TEKT4: variants seen among roughly 807,000 people sequenced by gnomAD.
The protein encoded by TEKT4 is tektin-4.
A neutral mutation model predicts 46.0 loss-of-function variants in TEKT4; 46 were observed. That is an observed-to-expected ratio of 1.00 (90% CI 0.79 to 1.28). The LOEUF (loss-of-function observed/expected upper bound fraction) is 1.28, where lower values mean the gene tolerates loss of function less well. Among genes scored for constraint, TEKT4 ranks in the 50% most tolerant of loss-of-function variants. The pLI is 0.00. For synonymous variants in TEKT4, 325 were observed against 265.8 expected, an observed-to-expected ratio of 1.22 and a Z score of -2.17; for missense variants, 790 against 622.9, an observed-to-expected ratio of 1.27 and a Z score of -2.85.
intron 5 of TEKT4, among the ~76,000 whole-genome samples, chr2:94,876,152 G>C (rs1486744547): frequency 1.3e-5 from 2 of 152,230 alleles, no homozygotes; most frequent in Non-Finnish European, 2.9e-5. Flanking sequence ...TACAGGCATA[G>C]ATGTGCCGTC....
intron 1 of TEKT4, chr2:94,873,216 G>C: frequency 7.8e-7 from 1 of 1,276,394 alleles, no homozygotes; most frequent in Non-Finnish European, 1.0e-6. Context: ...AACGTTCCCA[G>C]GTGCACTGAG....
At chr2:94,872,308 T>G in intron 1 of TEKT4, 1 of 598,024 alleles carries the variant, frequency 1.7e-6, no homozygotes, top group Non-Finnish European at 2.9e-6. Context: ...TCTAATCCCT[T>G]TGAGTCCTGG....
chr2:94,876,086 G>A (rs1227638540), intron 5 of TEKT4, among the ~76,000 whole-genome samples: 1 of 152,192 alleles, frequency 6.6e-6, no homozygotes, highest in Non-Finnish European at 1.5e-5. Context: ...GCCATTCCCT[G>A]CTGCCCTGAG....
At chr2:94,873,832 C>G in intron 2 of TEKT4, 133 bp from the exon 3 acceptor site, 1 of 1,337,986 alleles carries the variant, frequency 7.5e-7, no homozygotes, top group Non-Finnish European at 1.0e-6. Flanking sequence ...CTGCTGAGCA[C>G]GAGGGCTGCC....
intron 3 of TEKT4, 97 bp from the exon 4 acceptor site, chr2:94,874,679 G>A (rs371414644): frequency 3.5e-6 from 4 of 1,137,502 alleles, no homozygotes; most frequent in Admixed American, 2.6e-5. Flanking sequence ...ACGTCCTCCA[G>A]GAGCATGGGG....
intron 1 of TEKT4, chr2:94,872,446 G>A: frequency 2.7e-6 from 1 of 369,334 alleles, no homozygotes; most frequent in Non-Finnish European, 5.0e-6. Context: ...GGTGTGGACA[G>A]GTAAGGTGGG....
At chr2:94,874,218 C>G (rs781839992) in intron 3 of TEKT4, 110 bp downstream of exon 3, 25 of 1,243,570 alleles carry the variant, frequency 2.0e-5, no homozygotes, top group Non-Finnish European at 2.7e-5. Context: ...GCCCTCGCCC[C>G]CGAGGGCACT....
Position 94,871,464 on chromosome 2 carries a change from G to C in TEKT4, c.-116G>C, listed in dbSNP as rs78807233. The C allele has an allele frequency of 1.5e-6, 2 of 1,322,360 alleles. No individual in the cohort carries two copies. The highest frequency in any genetic ancestry group is 2.0e-6 in the Non-Finnish European group (2 of 995,152). 81.9% of individuals were successfully genotyped at this position (1,322,360 alleles called of 1,614,324 possible). ...AGTGTCACCCAAGCGACTGGGAGCC[G>C]CGTCCTGCTCTGGGACTGAGCCGTT... On this transcript the variant is annotated 5_prime_UTR_variant, in exon 1 of 6. Transcript: ENST00000295201.
rs1385039104 is a variant in TEKT4, at chr2:94,874,019, G to A, written c.624G>A (p.Glu208=). 1.5e-5 allele frequency: 25 copies of A among 1,613,776 alleles called. No homozygotes were observed. Among genetic ancestry groups the A allele is most frequent in the African/African-American group, 2.7e-5 (2 of 74,940 alleles). ...AGATGGACTGGTCAGACAAGATGGA[G>A]GCCTACAACATCGACGAGACCTGCG... The part of the protein sequence containing the change: ...TCEMDWSDKM[E]AYNIDETCGR... The change falls in exon 3 of 6, where the codon GAG becomes GAA. Residue 208 remains glutamate, a synonymous_variant. Transcript: ENST00000295201.
chr2:94,872,745 A>G, intron 1 of TEKT4: 1 of 1,169,648 alleles, frequency 8.5e-7, no homozygotes, highest in East Asian at 5.8e-5. Context: ...CCATACCCCA[A>G]GCTCAGGCAA....
At chr2:94,872,710 TG>T in intron 1 of TEKT4, 1 of 756,602 alleles carries the variant, frequency 1.3e-6, no homozygotes, top group Non-Finnish European at 1.9e-6. Flanking sequence ...GTGAAAGATG[TG>T]GGGTGGGGGC....
In TEKT4 at chr2:94,874,000, A is replaced by G; in HGVS notation, c.605A>G (p.Asp202Gly). ...NREHKETCEM[D>G]WSDKMEAYNI... is the part of the protein sequence containing the mutation. The stretch of plus-strand genomic sequence containing the variant: ...GAGCACAAGGAGACCTGCGAGATGG[A>G]CTGGTCAGACAAGATGGAGGCCTAC... The change falls in exon 3 of 6, where the codon GAC (aspartate) becomes GGC (glycine). Residue 202 changes from aspartate to glycine, a missense_variant. Physicochemically the swap from Asp to Gly is moderately conservative, Grantham distance 94. Coordinates refer to ENST00000295201, the MANE Select transcript of TEKT4 (RefSeq NM_144705.4). 1 of 1,610,228 alleles carries G rather than the reference A, an allele frequency of 6.2e-7. No individual in the cohort carries two copies. Among genetic ancestry groups the G allele is most frequent in the Non-Finnish European group, 8.5e-7 (1 of 1,178,110 alleles).
intron 2 of TEKT4, 43 bp downstream of exon 2, chr2:94,873,633 A>G (rs1680682383): frequency 6.2e-7 from 1 of 1,611,052 alleles, no homozygotes. Context: ...GACCCTACCC[A>G]CAGCTGGTCC....
At chr2:94,875,562 C>T (rs782559493) in intron 4 of TEKT4, 26 bp from the exon 5 acceptor site, 1 of 1,613,584 alleles carries the variant, frequency 6.2e-7, no homozygotes, top group South Asian at 1.1e-5. Context: ...GGGGCACAGG[C>T]CCAAGGAGAA....
chr2:94,872,896 G>A lies in TEKT4; in HGVS notation c.499-624G>A, dbSNP rs1159574253. On this transcript the variant is annotated intron_variant, in intron 1 of 5. Coordinates refer to ENST00000295201, the MANE Select transcript of TEKT4 (RefSeq NM_144705.4). ...CTCTCTGCCCGCAACAAGGGCACCT[G>A]CCAACTGATGGAGACACTGACAGTG... 1.6e-5 allele frequency: 20 copies of A among 1,289,248 alleles called. No homozygotes were observed. The Admixed American group carries it at 3.4e-4, about 22-fold the overall frequency. The allele number at this position is 1,289,248 out of a possible 1,614,324, so 79.9% of individuals were successfully genotyped here.
chr2:94,872,332 ACCCTGGGCT>A (rs1343926249), intron 1 of TEKT4: 1 of 565,450 alleles, frequency 1.8e-6, no homozygotes, highest in Non-Finnish European at 3.1e-6. Context: ...AGTCATCCTG[ACCCTGGGCT>A]CCCTGGGCTA....
chr2:94,873,916 C>T (rs1486513495), intron 2 of TEKT4, 49 bp from the exon 3 acceptor site: 40 of 1,608,210 alleles, frequency 2.5e-5, no homozygotes, highest in Non-Finnish European at 3.1e-5. Flanking sequence ...GGGTCCCCAG[C>T]AGGGCCCTCC....
chr2:94,872,025 GC>G lies in TEKT4; in HGVS notation c.448del (p.Arg150AlafsTer16). ...ITTDNLQCRE[R>X]REHPNLVRDH... ...ACTGACAACCTGCAGTGCCGTGAGCGCCGCGAGCACCCCAACCTCGTGCGCG... is the reference window on the plus strand; with the variant it reads ...ACTGACAACCTGCAGTGCCGTGAGCGCGCGAGCACCCCAACCTCGTGCGCG... On this transcript the variant is annotated frameshift_variant, in exon 1 of 6. Transcript: ENST00000295201. LOFTEE classifies it high-confidence loss of function. 2 of 1,571,148 alleles carry G rather than the reference GC, an allele frequency of 1.3e-6. No individual in the cohort carries two copies. The highest frequency in any genetic ancestry group is 1.7e-6 in the Non-Finnish European group (2 of 1,159,050).
At position 94,871,933 on chromosome 2, in the gene TEKT4, G is replaced by A. The variant is rs782133348; in HGVS notation, c.354G>A (p.Leu118=). 58 of 1,599,720 alleles carry A rather than the reference G, an allele frequency of 3.6e-5. No homozygotes were observed. Among genetic ancestry groups the A allele is most frequent in the Non-Finnish European group, 4.8e-5 (57 of 1,177,384 alleles). ...EMEALAAETN[L]LLAQKQRLER... ...AGGCGCTGGCTGCGGAGACCAACTT[G>A]CTCCTGGCCCAGAAGCAACGGCTGG... The change falls in exon 1 of 6, where the codon TTG becomes TTA. Residue 118 remains leucine (L), a synonymous_variant. Coordinates refer to ENST00000295201, the MANE Select transcript of TEKT4 (RefSeq NM_144705.4).
Sources: gnomAD v4.1 joint callset for allele counts (sites outside exome capture counted in the v4.1 genomes callset) on GRCh38, gnomAD v4.1.1 for gene constraint, MANE v1.5 for transcripts, NCBI Gene and HGNC (gene_info 2026-07-23, HGNC 2026-07-21) for gene names.